The following RFX8 variants were observed in gnomAD, a reference collection of about 807,000 sequenced individuals.
RFX8 encodes the protein DNA-binding protein RFX8.
A neutral mutation model predicts 54.6 loss-of-function variants in RFX8; 46 were observed. The ratio of observed to expected loss-of-function variants is 0.84; its 90% CI spans 0.67 to 1.08. The LOEUF (loss-of-function observed/expected upper bound fraction) is 1.08, where lower values mean the gene tolerates loss of function less well. Ranked by LOEUF, RFX8 falls within the 50% of genes least tolerant of loss-of-function variation. The probability of loss-of-function intolerance (pLI) is 0.00; values close to 1 mark genes in which losing one functional copy is unlikely to be tolerated. For synonymous variants in RFX8, 192 were observed against 209.5 expected (o/e 0.92, Z 0.72); for missense variants, 536 against 562.3 (o/e 0.95, Z 0.47).
At chr2:101,407,739 G>A (rs1429261823) in intron 9 of RFX8, among the ~76,000 whole-genome samples, 1 of 151,964 alleles carries the variant, frequency 6.6e-6, no homozygotes, top group African/African-American at 2.4e-5. Flanking sequence ...AAAGCATCGA[G>A]GGATGCAGCT....
At chr2:101,411,969 G>T (rs1016978104) in intron 8 of RFX8, among the ~76,000 whole-genome samples, 2 of 152,276 alleles carry the variant, frequency 1.3e-5, no homozygotes, top group South Asian at 4.1e-4. Flanking sequence ...GCTCCTGTGG[G>T]CCAGTGCAAT....
intron 1 of RFX8, among the ~76,000 whole-genome samples, chr2:101,472,708 C>T (rs1690077884): frequency 6.6e-6 from 1 of 152,102 alleles, no homozygotes; most frequent in African/African-American, 2.4e-5. Flanking sequence ...CAAAAAAAAT[C>T]TCATAATGTT....
At chr2:101,416,779 T>C (rs533202135) in intron 6 of RFX8, among the ~76,000 whole-genome samples, 2 of 152,226 alleles carry the variant, frequency 1.3e-5, no homozygotes, top group East Asian at 1.9e-4. Context: ...GATAGATTTA[T>C]AGGGAACTGG....
intron 2 of RFX8, among the ~76,000 whole-genome samples, chr2:101,458,829 C>T (rs141826112): frequency 6.6e-6 from 1 of 152,324 alleles, no homozygotes; most frequent in East Asian, 1.9e-4. Context: ...CCCATTCTCT[C>T]CATCACTTTC....
At chr2:101,404,432 ATTTCT>A (rs1486360496) in intron 10 of RFX8, among the ~76,000 whole-genome samples, 2 of 151,988 alleles carry the variant, frequency 1.3e-5, no homozygotes, top group Non-Finnish European at 2.9e-5. Flanking sequence ...TACAGACTAG[ATTTCT>A]TTTCTTTTTT....
intron 2 of RFX8, among the ~76,000 whole-genome samples, chr2:101,433,266 G>C (rs866760691): frequency 6.6e-6 from 1 of 152,036 alleles, no homozygotes. Context: ...ACTGGAACAC[G>C]GGGACTCAGA....
chr2:101,428,796 A>C (rs1423781075), intron 2 of RFX8, among the ~76,000 whole-genome samples: 1 of 152,228 alleles, frequency 6.6e-6, no homozygotes, highest in Non-Finnish European at 1.5e-5. Flanking sequence ...CGGCATGTGG[A>C]AAGTGGTGGC....
intron 2 of RFX8, among the ~76,000 whole-genome samples, chr2:101,448,478 C>A (rs1573452387): frequency 6.6e-6 from 1 of 152,356 alleles, no homozygotes; most frequent in Non-Finnish European, 1.5e-5. Flanking sequence ...CTAATCTGTT[C>A]TTCATTGCTT....
At chr2:101,427,316 C>A (rs187056663) in intron 2 of RFX8, among the ~76,000 whole-genome samples, 2 of 152,144 alleles carry the variant, frequency 1.3e-5, no homozygotes, top group Non-Finnish European at 2.9e-5. Context: ...CAAGTGGCCT[C>A]ATGTCATCAC....
intron 2 of RFX8, among the ~76,000 whole-genome samples, chr2:101,423,029 G>A (rs368087306): frequency 5.9e-5 from 9 of 152,080 alleles, no homozygotes; most frequent in East Asian, 1.9e-4. Context: ...AGGGCGAGGC[G>A]GGTGGATCAC....
chr2:101,398,177 AACTCCTGATTTCTCAGGAAAAC>A (rs1245387103), intron 11 of RFX8, among the ~76,000 whole-genome samples: 1 of 152,166 alleles, frequency 6.6e-6, no homozygotes. Flanking sequence ...ATTCTAAGAG[AACTCCTGATTTCTCAGGAAAAC>A]ACTCAGGGTC....
At position 101,412,906 on chromosome 2, in the gene RFX8, G is replaced by A. The variant is rs2104552636; in HGVS notation, c.718+9C>T. ...ACGCCAATAAAGCAAGCTGCAGAAGGAAGATTACATTTCATCTCTGGGTTG... is the reference window on the plus strand; with the variant it reads ...ACGCCAATAAAGCAAGCTGCAGAAGAAAGATTACATTTCATCTCTGGGTTG... On this transcript the variant is annotated intron_variant, in intron 8 of 11. Coordinates refer to ENST00000428343, the MANE Select transcript of RFX8 (RefSeq NM_001145664.2). 1 of 1,546,288 alleles carries A rather than the reference G, an allele frequency of 6.5e-7. No homozygotes were observed. The highest frequency in any genetic ancestry group is 1.2e-5 in the South Asian group (1 of 83,292).
At chr2:101,430,933 C>T (rs1198085273) in intron 2 of RFX8, among the ~76,000 whole-genome samples, 1 of 152,188 alleles carries the variant, frequency 6.6e-6, no homozygotes, top group Non-Finnish European at 1.5e-5. Flanking sequence ...AAAATATGGT[C>T]ATCACTCTTT....
intron 4 of RFX8, 91 bp downstream of exon 4, chr2:101,421,633 G>C (rs975912124): frequency 6.7e-7 from 1 of 1,495,052 alleles, no homozygotes; most frequent in Non-Finnish European, 8.9e-7. Flanking sequence ...CTGTTGACGG[G>C]GTCTCTTCAA....
intron 2 of RFX8, chr2:101,450,720 A>G (rs1271051492): frequency 1.9e-6 from 2 of 1,035,358 alleles, no homozygotes; most frequent in Admixed American, 2.0e-5. Flanking sequence ...ATGTCTAACT[A>G]CTGACATGCT....
At chr2:101,403,308 T>C (rs1232878341) in intron 10 of RFX8, among the ~76,000 whole-genome samples, 1 of 152,164 alleles carries the variant, frequency 6.6e-6, no homozygotes, top group Non-Finnish European at 1.5e-5. Context: ...GCAAGTGCTG[T>C]CATCAGAGAC....
chr2:101,474,086 C>G (rs1690161539), intron 1 of RFX8: 1 of 503,974 alleles, frequency 2.0e-6, no homozygotes, highest in Non-Finnish European at 3.5e-6. Context: ...GGCCTGGGGC[C>G]GCTCCTCACA....
intron 2 of RFX8, among the ~76,000 whole-genome samples, chr2:101,434,160 C>T (rs1318365755): frequency 2.0e-5 from 3 of 152,104 alleles, no homozygotes; most frequent in Non-Finnish European, 4.4e-5. Context: ...CTGGAGACCT[C>T]GCTCTGACTT....
chr2:101,414,443 T>TC (rs1686361845), intron 7 of RFX8, among the ~76,000 whole-genome samples: 1 of 150,832 alleles, frequency 6.6e-6, no homozygotes, highest in African/African-American at 2.4e-5. Context: ...TTTTTGTATT[T>TC]TTTTTTTTTT....
Sources: allele counts gnomAD v4.1 joint callset (sites outside exome capture counted in the v4.1 genomes callset), GRCh38; gene constraint gnomAD v4.1.1; transcripts MANE v1.5; gene names NCBI Gene and HGNC (gene_info 2026-07-23, HGNC 2026-07-21).